Variants in AFF2 observed in about 807,000 individuals in gnomAD.
The protein encoded by AFF2 is ALF transcription elongation factor 2.
A neutral mutation model predicts 76.9 loss-of-function variants in AFF2; 14 were observed. The observed-to-expected ratio is 0.18, with a 90% CI of 0.12 to 0.28. The LOEUF (loss-of-function observed/expected upper bound fraction) is 0.28. Ranked by LOEUF, AFF2 falls within the 10% of genes least tolerant of loss-of-function variation. AFF2 has a pLI of 1.00. For missense variants in AFF2, 868 were observed against 1,001.1 expected (o/e 0.87, Z 1.79); for synonymous variants, 398 against 366.7 (o/e 1.09, Z -0.98).
At chrX:148,720,470 A>G (rs968341820) in intron 3 of AFF2, among the ~76,000 whole-genome samples, 25 of 108,870 alleles carry the variant, frequency 2.3e-4, no homozygotes, top group African/African-American at 8.4e-4. Context: ...TTCTATCTTC[A>G]TTTTTCCCCT....
rs781810794 is a variant in AFF2 at position 148,819,538 on chromosome X, A to C, written c.1086+9618A>C. Among the ~76,000 whole-genome samples, 68 of 110,927 alleles carry C rather than the reference A, an allele frequency of 6.1e-4. 1 individual carries two copies. Among genetic ancestry groups the C allele is most frequent in the Non-Finnish European group, 3.2e-4 (17 of 52,820 alleles). ...TATTACCTTATAAATGAATCTTGAG[A>C]GCTTTTATTGTTTCTGGACATAAGT... On this transcript the variant is annotated intron_variant, in intron 4 of 20. Transcript: ENST00000370460.
intron 3 of AFF2, among the ~76,000 whole-genome samples, chrX:148,686,631 G>A (rs1055140771): frequency 2.7e-5 from 3 of 111,590 alleles, no homozygotes; most frequent in East Asian, 5.6e-4. Flanking sequence ...TGTATCAAGT[G>A]GCATGTGTAT....
chrX:148,644,783 A>T (rs2054127859), intron 1 of AFF2, among the ~76,000 whole-genome samples: 1 of 111,890 alleles, frequency 8.9e-6, no homozygotes, highest in African/African-American at 3.2e-5. Flanking sequence ...TCAAATAAAG[A>T]AATTTATCTA....
chrX:148,833,051 G>A (rs2070473604), intron 4 of AFF2, among the ~76,000 whole-genome samples: 1 of 111,123 alleles, frequency 9.0e-6, no homozygotes, highest in African/African-American at 3.3e-5. Context: ...CACACTATTT[G>A]AGCAGCTACT....
At chrX:148,530,517 C>G (rs998594034) in intron 1 of AFF2, among the ~76,000 whole-genome samples, 1 of 111,405 alleles carries the variant, frequency 9.0e-6, no homozygotes, top group African/African-American at 3.3e-5. Flanking sequence ...CCATCCCATG[C>G]CTTCCTCTTT....
chrX:148,912,730 A>T (rs890603938), intron 9 of AFF2, among the ~76,000 whole-genome samples: 7 of 112,206 alleles, frequency 6.2e-5, no homozygotes, highest in Non-Finnish European at 1.3e-4. Context: ...ACAGTGTGAC[A>T]CTGTAAGTTG....
intron 3 of AFF2, among the ~76,000 whole-genome samples, chrX:148,804,195 A>G (rs891303284): frequency 3.6e-5 from 4 of 111,833 alleles, no homozygotes; most frequent in African/African-American, 1.3e-4. Context: ...CAAAAATCCT[A>G]GAAGTGGATT....
chrX:148,551,482 G>GAAAAAAAAAAAAAAAAA (rs781883999), intron 1 of AFF2, among the ~76,000 whole-genome samples: 2 of 38,010 alleles, frequency 5.3e-5, no homozygotes, highest in Admixed American at 4.4e-4. Context: ...GCTGGGAAGT[G>GAAAAAAAAAAAAAAAAA]AAAAAAAAAA....
At chrX:148,887,296 G>A (rs1350129455) in intron 8 of AFF2, among the ~76,000 whole-genome samples, 1 of 111,855 alleles carries the variant, frequency 8.9e-6, no homozygotes, top group Non-Finnish European at 1.9e-5. Flanking sequence ...AATGTAAAAT[G>A]TACACTTCAT....
chrX:148,683,600 G>A (rs951898368), intron 3 of AFF2, among the ~76,000 whole-genome samples: 2 of 111,746 alleles, frequency 1.8e-5, no homozygotes, highest in African/African-American at 6.5e-5. Context: ...GGTCTTACAG[G>A]GGAGACATGT....
At chrX:148,949,578 C>T (rs967737188) in intron 9 of AFF2, among the ~76,000 whole-genome samples, 2 of 112,145 alleles carry the variant, frequency 1.8e-5, no homozygotes, top group African/African-American at 3.2e-5. Context: ...ATGATGAATA[C>T]GATAGCAAAT....
chrX:148,608,032 A>G (rs189761470), intron 1 of AFF2, among the ~76,000 whole-genome samples: 1 of 112,197 alleles, frequency 8.9e-6, no homozygotes, highest in East Asian at 2.8e-4. Flanking sequence ...CAAAGAGGCA[A>G]TTGTGTTTTG....
At chrX:148,749,180 A>G (rs2055464587) in intron 3 of AFF2, among the ~76,000 whole-genome samples, 1 of 111,841 alleles carries the variant, frequency 8.9e-6, no homozygotes, top group Admixed American at 9.5e-5. Flanking sequence ...TTGGCTTTCC[A>G]TGTTTGAATA....
intron 3 of AFF2, among the ~76,000 whole-genome samples, chrX:148,745,581 C>T (rs1202939129): frequency 9.0e-6 from 1 of 111,495 alleles, no homozygotes; most frequent in Admixed American, 9.5e-5. Context: ...TTAAAAGTAT[C>T]TTGAAACTTA....
chrX:148,712,060 A>C (rs1323317545), intron 3 of AFF2, among the ~76,000 whole-genome samples: 4 of 111,584 alleles, frequency 3.6e-5, no homozygotes, highest in Non-Finnish European at 7.5e-5. Flanking sequence ...CTCTGGTGTG[A>C]TCCACACACA....
At chrX:148,731,340 T>G (rs2055217005) in intron 3 of AFF2, among the ~76,000 whole-genome samples, 1 of 111,910 alleles carries the variant, frequency 8.9e-6, no homozygotes, top group Admixed American at 9.5e-5. Flanking sequence ...TCTGTGAGTG[T>G]GTGGGGCTGG....
intron 7 of AFF2, among the ~76,000 whole-genome samples, chrX:148,846,103 G>C (rs1557274731): frequency 1.8e-5 from 2 of 112,001 alleles, no homozygotes; most frequent in East Asian, 5.6e-4. Context: ...AATTACTGCT[G>C]TCTCTGAGCC....
At chrX:148,723,966 C>T (rs1486708517) in intron 3 of AFF2, among the ~76,000 whole-genome samples, 3 of 88,573 alleles carry the variant, frequency 3.4e-5, no homozygotes, top group East Asian at 6.9e-4. Context: ...GGACATGGGG[C>T]GGAAACAGGA....
chrX:148,872,071 T>C (rs923324398), intron 7 of AFF2, among the ~76,000 whole-genome samples: 2 of 110,462 alleles, frequency 1.8e-5, no homozygotes, highest in African/African-American at 6.6e-5. Context: ...CCAGACCAGC[T>C]CTCCGTTCTT....
Sources: allele counts gnomAD v4.1 joint callset (sites outside exome capture counted in the v4.1 genomes callset), GRCh38; gene constraint gnomAD v4.1.1; transcripts MANE v1.5; gene names NCBI Gene and HGNC (gene_info 2026-07-23, HGNC 2026-07-21).